Variants in GPKOW observed in about 807,000 individuals in gnomAD.
GPKOW encodes G-patch domain and KOW motifs.
For missense variants in GPKOW, 359 were observed against 404.7 expected (o/e 0.89, Z 0.97); for synonymous variants, 167 against 159.1 (o/e 1.05, Z -0.37).
chrX:49,117,894 C>G, intron 4 of GPKOW, 84 bp from the exon 5 acceptor site: 3 of 507,563 alleles, frequency 5.9e-6, no homozygotes, highest in Non-Finnish European at 9.2e-6. Flanking sequence ...CCAAACCCGC[C>G]CCACCCGCCC....
chrX:49,122,294 G>A (rs1804960019), intron 3 of GPKOW, 104 bp downstream of exon 3: 3 of 656,876 alleles, frequency 4.6e-6, no homozygotes, highest in South Asian at 8.0e-5. Flanking sequence ...CAGGTGGCGG[G>A]CCTCTAGCAC....
chrX:49,115,527 A>G (rs921146681), intron 9 of GPKOW, among the ~76,000 whole-genome samples, 199 bp downstream of exon 9: 20 of 107,674 alleles, frequency 1.9e-4, no homozygotes, highest in Non-Finnish European at 3.3e-4. Flanking sequence ...AAAAAGAAAA[A>G]AAAGAAAACT....
At chrX:49,123,422 G>T in intron 1 of GPKOW, 125 bp downstream of exon 1, 2 of 731,597 alleles carry the variant, frequency 2.7e-6, no homozygotes, top group Non-Finnish European at 3.9e-6. Flanking sequence ...TGGCCTCCAC[G>T]AATTTACTCA....
At position 49,116,336 on chromosome X, in the gene GPKOW, G is replaced by C. The variant is rs782422050; in HGVS notation, c.914-13C>G. On this transcript the variant is annotated splice_polypyrimidine_tract_variant and intron_variant, in intron 6 of 10. Coordinates refer to ENST00000156109, the MANE Select transcript of GPKOW (RefSeq NM_015698.6). ...CCGTTCTGTTGCCCTGGGGAAGGAA[G>C]TTTTGCTCATCTGGCCTGTTCAAGA... 1 of 1,103,299 alleles carries C rather than the reference G, an allele frequency of 9.1e-7. No individual in the cohort carries two copies. The highest frequency in any genetic ancestry group is 1.8e-5 in the South Asian group (1 of 54,539). 90.9% of individuals were successfully genotyped at this position (1,103,299 alleles called of 1,213,427 possible).
rs1557089666 is a variant in GPKOW at position 49,113,650 on chromosome X, T to C, written c.1402A>G (p.Met468Val). Residue 468 changes from methionine (M) to valine (V), a missense_variant, in exon 11 of 11, where the codon ATG becomes GTG. Transcript: ENST00000156109. The part of the protein sequence containing the change: ...ELHYDAICQY[M>V]GPSDTDDD ...TCATCATCTGTGTCACTAGGGCCCA[T>C]GTACTGGCAGATGGCATCGTAGTGA... The C allele has an allele frequency of 8.3e-7, 1 of 1,210,147 alleles. No individual in the cohort carries two copies.
chrX:49,116,067 A>T, intron 7 of GPKOW, 53 bp from the exon 8 acceptor site: 1 of 1,199,153 alleles, frequency 8.3e-7, no homozygotes, highest in Middle Eastern at 2.7e-4. Context: ...TGCACTTTCC[A>T]GTTGCCCTCC....
At chrX:49,118,422 C>T (rs1222120493) in intron 4 of GPKOW, among the ~76,000 whole-genome samples, 1 of 110,566 alleles carries the variant, frequency 9.0e-6, no homozygotes, top group Admixed American at 9.7e-5. Context: ...ACATTCACAC[C>T]GAGCAGGAGA....
intron 3 of GPKOW, among the ~76,000 whole-genome samples, chrX:49,121,121 CT>C (rs1287689959): frequency 1.8e-5 from 2 of 110,799 alleles, no homozygotes; most frequent in East Asian, 2.8e-4. Context: ...AAGTGAGGAT[CT>C]TTTTTTTCTT....
In GPKOW at chrX:49,122,643, C is replaced by A. The variant is rs1216420913; in HGVS notation, c.310G>T (p.Ala104Ser). The A allele has an allele frequency of 4.1e-6, 5 of 1,210,391 alleles. No individual in the cohort carries two copies. The African/African-American group carries it at 7.0e-5, about 17-fold the overall frequency. ...GALADGVVSQ[A>S]VKELIAESKK... ...TCACCCGCAATGAGCTCCTTCACAG[C>A]CTGGGACACCACCCCATCCGCCAAG... The change falls in exon 2 of 11, where the codon GCT becomes TCT. Residue 104 changes from alanine (A) to serine (S), a missense_variant. Coordinates refer to ENST00000156109, the MANE Select transcript of GPKOW (RefSeq NM_015698.6).
chrX:49,121,893 A>C, intron 3 of GPKOW, among the ~76,000 whole-genome samples: 1 of 111,639 alleles, frequency 9.0e-6, no homozygotes, highest in East Asian at 2.8e-4. Context: ...TTCCACCTTC[A>C]CTAATGAGTC....
chrX:49,116,052 T>C lies in GPKOW; in HGVS notation c.1017-38A>G, dbSNP rs782105859. On this transcript the variant is annotated intron_variant, in intron 7 of 10. Coordinates refer to ENST00000156109, the MANE Select transcript of GPKOW (RefSeq NM_015698.6). ...TGCCAGCACCAGGCTTAGCTCTTCA[T>C]CAGATGCACTTTCCAGTTGCCCTCC... The C allele has an allele frequency of 8.3e-7, 1 of 1,206,229 alleles. No homozygotes were observed. Among genetic ancestry groups the C allele is most frequent in the Non-Finnish European group, 1.1e-6 (1 of 891,758 alleles).
intron 6 of GPKOW, among the ~76,000 whole-genome samples, 193 bp downstream of exon 6, chrX:49,116,837 C>T (rs1430434104): frequency 9.0e-6 from 1 of 111,542 alleles, no homozygotes; most frequent in Non-Finnish European, 1.9e-5. Flanking sequence ...GGTATGACAT[C>T]GACCTTTCTC....
intron 4 of GPKOW, 68 bp from the exon 5 acceptor site, chrX:49,117,878 T>C: frequency 1.4e-6 from 1 of 704,765 alleles, no homozygotes; most frequent in Non-Finnish European, 2.0e-6. Context: ...TACTTCCTCT[T>C]CCTGCCCAAA....
chrX:49,116,010 C>A lies in GPKOW; in HGVS notation c.1021G>T (p.Asp341Tyr). The change falls in exon 8 of 11, where the codon GAT becomes TAT. Residue 341 changes from aspartate (D) to tyrosine (Y), a missense_variant. Physicochemically the swap from Asp to Tyr is radical, Grantham distance 160 (BLOSUM62 -3). Coordinates refer to ENST00000156109, the MANE Select transcript of GPKOW (RefSeq NM_015698.6). ...TTCTCACTCTTGGCTGCAGGCCCAT[C>A]CTGTCTGTGGAGAAGGTGCCAGCAC... ...RKRKHLPDRQ[D>Y]GPAAKSEKAA... 8.3e-7 allele frequency: 1 copy of A among 1,211,607 alleles called. No homozygotes were observed. The highest frequency in any genetic ancestry group is 1.1e-6 in the Non-Finnish European group (1 of 895,378).
Position 49,117,580 on chromosome X carries a change from A to G in GPKOW, c.780+17T>C. 1 of 1,158,032 alleles carries G rather than the reference A, an allele frequency of 8.6e-7. No homozygotes were observed. The highest frequency in any genetic ancestry group is 1.2e-6 in the Non-Finnish European group (1 of 847,189). On this transcript the variant is annotated intron_variant, in intron 5 of 10. Coordinates refer to ENST00000156109, the MANE Select transcript of GPKOW (RefSeq NM_015698.6). Reference sequence around the variant, plus strand: ...CTGCTGCCTGTTTTGGGCTCCCGGGATATCTTGGTTCCTTACCTTCCCATA... The same window carrying G: ...CTGCTGCCTGTTTTGGGCTCCCGGGGTATCTTGGTTCCTTACCTTCCCATA...
At chrX:49,114,629 A>T (rs1445725740) in intron 9 of GPKOW, among the ~76,000 whole-genome samples, 4 of 104,272 alleles carry the variant, frequency 3.8e-5, no homozygotes, top group Non-Finnish European at 5.9e-5. Flanking sequence ...AAAAAAAAAA[A>T]AAAGAAGGGC....
chrX:49,117,074 C>A lies in GPKOW; in HGVS notation c.869G>T (p.Arg290Leu), dbSNP rs368470725. Residue 290 changes from arginine to leucine, a missense_variant, in exon 6 of 11, where the codon CGG (arginine) becomes CTG (leucine). By Grantham distance (102) the Arg-to-Leu change is moderately radical (BLOSUM62 -2). Transcript: ENST00000156109. ...RVVTVSEYYL[R>L]PVSQQEFDKN... ...GTCAAACTCCTGCTGGGAGACAGGC[C>A]GCAGGTAGTACTCACTAACAGTCAC... 1.7e-6 allele frequency: 2 copies of A among 1,204,067 alleles called. No individual in the cohort carries two copies. Among genetic ancestry groups the A allele is most frequent in the Non-Finnish European group, 2.2e-6 (2 of 890,183 alleles).
Position 49,113,865 on chromosome X carries a change from T to C in GPKOW, c.1284A>G (p.Pro428=). The C allele has an allele frequency of 8.3e-7, 1 of 1,208,126 alleles. No individual in the cohort carries two copies. Among genetic ancestry groups the C allele is most frequent in the Non-Finnish European group, 1.1e-6 (1 of 892,271 alleles). ...EGDRVMVVLG[P]QTGRVGHLLS... ...GTCTGAGACTCACCCTTCCAGTCTG[T>C]GGGCCCAGCACCACCATCACACGGT... The change falls in exon 10 of 11, where the codon CCA becomes CCG. Residue 428 remains proline (P), a synonymous_variant. Transcript: ENST00000156109.
At position 49,122,296 on chromosome X, in the gene GPKOW, C is replaced by T. The variant is rs143668787; in HGVS notation, c.456+102G>A. The T allele has an allele frequency of 2.8e-3, 2,030 of 716,376 alleles. 30 individuals carry two copies. The African/African-American group carries it at 0.041, about 15-fold the overall frequency. 59.0% of individuals were successfully genotyped at this position (716,376 alleles called of 1,213,427 possible). A position where few individuals can be genotyped will look rare whatever the true frequency, so the allele number is the denominator to read the frequency against. Reference sequence around the variant, plus strand: ...ACAGGAGAAGGGGCAGGTGGCGGGCCTCTAGCACACACACAGACTTTCCCT... The same window carrying T: ...ACAGGAGAAGGGGCAGGTGGCGGGCTTCTAGCACACACACAGACTTTCCCT... On this transcript the variant is annotated intron_variant, in intron 3 of 10. Transcript: ENST00000156109.
Sources: gnomAD v4.1 joint callset for allele counts (sites outside exome capture counted in the v4.1 genomes callset) on GRCh38, gnomAD v4.1.1 for gene constraint, MANE v1.5 for transcripts, NCBI Gene and HGNC (gene_info 2026-07-23, HGNC 2026-07-21) for gene names.